MYBPC1: variants seen among roughly 807,000 people sequenced by gnomAD.
MYBPC1 encodes myosin-binding protein C, slow-type.
Under a neutral mutation model 147.1 loss-of-function variants are expected in MYBPC1, and 52 were observed. The observed-to-expected ratio is 0.35, with a 90% CI of 0.28 to 0.45. The LOEUF (loss-of-function observed/expected upper bound fraction) is 0.45, where lower values mean the gene tolerates loss of function less well. Ranked by LOEUF, MYBPC1 falls within the 20% of genes least tolerant of loss-of-function variation. The pLI is 1.00. For synonymous variants in MYBPC1, 477 were observed against 475.9 expected (o/e 1.00, Z -0.03); for missense variants, 1,228 against 1,440.3 (o/e 0.85, Z 2.39).
intron 18 of MYBPC1, among the ~76,000 whole-genome samples, chr12:101,653,496 G>T (rs1894955531): frequency 6.9e-6 from 1 of 145,796 alleles, no homozygotes; most frequent in Non-Finnish European, 1.5e-5. Flanking sequence ...CAGTGAAAAA[G>T]CCTCATTTTT....
rs369096843 is a variant in MYBPC1, at chr12:101,627,995, C to T, written c.178+191C>T. The T allele has an allele frequency of 1.8e-3, 1,143 of 638,762 alleles. 38 individuals carry two copies. The South Asian group carries it at 0.02, about 11-fold the overall frequency. 39.6% of individuals were successfully genotyped at this position (638,762 alleles called of 1,614,324 possible). ...AACAATTAATTTTGCATGATACACA[C>T]GCATTCAAGGATCTAGCCAAAAATA... On this transcript the variant is annotated intron_variant, in intron 5 of 31. Coordinates refer to ENST00000361466, the MANE Select transcript of MYBPC1 (RefSeq NM_002465.4).
intron 1 of MYBPC1, among the ~76,000 whole-genome samples, chr12:101,598,929 C>T (rs369164017): frequency 6.6e-6 from 1 of 152,182 alleles, no homozygotes; most frequent in South Asian, 2.1e-4. Flanking sequence ...TCTTCTAAAA[C>T]ACTGAGTTGA....
intron 6 of MYBPC1, among the ~76,000 whole-genome samples, chr12:101,629,884 A>AC (rs1277976386): frequency 6.6e-6 from 1 of 152,178 alleles, no homozygotes; most frequent in Non-Finnish European, 1.5e-5. Flanking sequence ...AAAAAAAAAA[A>AC]AATTTTGAGG....
downstream of MYBPC1, among the ~76,000 whole-genome samples, chr12:101,687,964 T>A (rs1951375736): frequency 1.3e-5 from 2 of 152,230 alleles, no homozygotes; most frequent in Admixed American, 1.3e-4. Context: ...TGCAAAGTTC[T>A]AATAAGGAAG....
Position 101,632,057 on chromosome 12 carries a change from G to T in MYBPC1, c.475G>T (p.Asp159Tyr), listed in dbSNP as rs747919254. 1 of 1,614,032 alleles carries T rather than the reference G, an allele frequency of 6.2e-7. No homozygotes were observed. Among genetic ancestry groups the T allele is most frequent in the South Asian group, 1.1e-5 (1 of 91,080 alleles). The change falls in exon 8 of 32, where the codon GAT becomes TAT. Residue 159 changes from aspartate (D) to tyrosine (Y), a missense_variant. Around this residue, in one of 2 missense-constraint regions of MYBPC1, gnomAD observed 1,077 missense variants for 1,314.2 expected, o/e 0.82. Transcript: ENST00000361466. ...TGAGATGCAGATCATCAAGGCCAAA[G>T]ATAACTTTGCAGGAAATTACAGATG... is the stretch of plus-strand genomic sequence containing the variant. ...TFEMQIIKAK[D>Y]NFAGNYRCEV...
At chr12:101,655,777 A>C (rs1895440562) in intron 18 of MYBPC1, among the ~76,000 whole-genome samples, 1 of 152,238 alleles carries the variant, frequency 6.6e-6, no homozygotes, top group South Asian at 2.1e-4. Flanking sequence ...TTGCAAAAAA[A>C]TATTAAAAGT....
chr12:101,609,063 A>C (rs1883314818), intron 1 of MYBPC1, among the ~76,000 whole-genome samples: 1 of 152,028 alleles, frequency 6.6e-6, no homozygotes, highest in South Asian at 2.1e-4. Context: ...TGGAATCTGA[A>C]AAGGAGAAGG....
At chr12:101,666,879 T>C (rs1897539142) in intron 22 of MYBPC1, 1 of 974,544 alleles carries the variant, frequency 1.0e-6, no homozygotes, top group Non-Finnish European at 1.6e-6. Flanking sequence ...GCATGAAGAA[T>C]ACTCATCACA....
At chr12:101,680,760 C>T in intron 29 of MYBPC1, among the ~76,000 whole-genome samples, 1 of 152,056 alleles carries the variant, frequency 6.6e-6, no homozygotes, top group Non-Finnish European at 1.5e-5. Flanking sequence ...TTTAAGTCAA[C>T]TTATTTTTAT....
intron 1 of MYBPC1, among the ~76,000 whole-genome samples, chr12:101,606,518 G>C (rs898281365): frequency 6.8e-6 from 1 of 147,890 alleles, no homozygotes; most frequent in Non-Finnish European, 1.5e-5. Context: ...TGCCCGGCCT[G>C]GTCTTGAACT....
chr12:101,682,975 T>G (rs551754999), intron 30 of MYBPC1, among the ~76,000 whole-genome samples: 8 of 152,348 alleles, frequency 5.3e-5, no homozygotes, highest in African/African-American at 1.7e-4. Flanking sequence ...GTATCAATAT[T>G]TCTTTAATAT....
chr12:101,688,963 AAAAAAG>A (rs1566029077), downstream of MYBPC1, among the ~76,000 whole-genome samples: 3 of 128,036 alleles, frequency 2.3e-5, no homozygotes, highest in Non-Finnish European at 3.4e-5. Flanking sequence ...CAAAAAAAAA[AAAAAAG>A]AAAAAGAAAA....
intron 22 of MYBPC1, among the ~76,000 whole-genome samples, chr12:101,665,291 T>C (rs1897239223): frequency 6.6e-6 from 1 of 152,206 alleles, no homozygotes; most frequent in African/African-American, 2.4e-5. Context: ...AACGTGTATC[T>C]CTTTCTTCTT....
At chr12:101,614,997 A>T in intron 2 of MYBPC1, 1 of 215,588 alleles carries the variant, frequency 4.6e-6, no homozygotes, top group South Asian at 7.2e-5. Flanking sequence ...ACCTCCAGAA[A>T]CTCCCTAGCA....
At chr12:101,642,893 A>C (rs999545275) in intron 11 of MYBPC1, among the ~76,000 whole-genome samples, 14 of 152,100 alleles carry the variant, frequency 9.2e-5, no homozygotes, top group African/African-American at 3.4e-4. Context: ...ATTTTTACTT[A>C]AGCAGAGTGG....
chr12:101,652,323 A>G (rs926546527), intron 16 of MYBPC1, among the ~76,000 whole-genome samples: 25 of 152,320 alleles, frequency 1.6e-4, no homozygotes, highest in East Asian at 3.9e-4. Context: ...CAAAATCAAG[A>G]TTATTCTTGG....
chr12:101,685,311 C>T (rs1041002055), intron 31 of MYBPC1, among the ~76,000 whole-genome samples: 1 of 152,164 alleles, frequency 6.6e-6, no homozygotes, highest in African/African-American at 2.4e-5. Context: ...TTTCCAACCA[C>T]TTGGGAATTT....
In MYBPC1 at chr12:101,667,751, A is replaced by C. The variant is rs770008332; in HGVS notation, c.2376A>C (p.Ala792=). 3.7e-6 allele frequency: 6 copies of C among 1,614,184 alleles called. No individual in the cohort carries two copies. The Admixed American group carries it at 1.0e-4, about 27-fold the overall frequency. Residue 792 remains alanine, a synonymous_variant, in exon 23 of 32, where the codon GCA becomes GCC. Coordinates refer to ENST00000361466, the MANE Select transcript of MYBPC1 (RefSeq NM_002465.4). ...CFEGTEDWIV[A]NKDLIDKTKF... is the part of the protein sequence containing the mutation. ...CTTCAGCTGAGGACTGGATAGTTGC[A>C]AACAAAGATCTGATTGACAAGACGA... is the stretch of plus-strand genomic sequence containing the variant.
chr12:101,604,834 C>G (rs572855026), intron 1 of MYBPC1, among the ~76,000 whole-genome samples: 1 of 152,302 alleles, frequency 6.6e-6, no homozygotes, highest in Admixed American at 6.5e-5. Context: ...CCTCACTCCC[C>G]TTTGTCCTTT....
Sources: gnomAD v4.1 joint callset for allele counts (sites outside exome capture counted in the v4.1 genomes callset) on GRCh38, gnomAD v4.1.1 for gene constraint, gnomAD v4.1.1 regional missense constraint, MANE v1.5 for transcripts, NCBI Gene and HGNC (gene_info 2026-07-23, HGNC 2026-07-21) for gene names.